Variants in TMEM272 observed in about 807,000 individuals in gnomAD.
The protein encoded by TMEM272 is transmembrane protein 272.
In TMEM272, 8 loss-of-function variants were observed where a neutral mutation model predicts 3.7. That is an observed-to-expected ratio of 2.17 (90% CI 1.27 to 3.91). The LOEUF (loss-of-function observed/expected upper bound fraction) is 3.91, where lower values mean the gene tolerates loss of function less well. Ranked by LOEUF, TMEM272 falls within the 30% of genes most tolerant of loss-of-function variation. The pLI, the probability that TMEM272 is intolerant of heterozygous loss-of-function variation, is 0.00. For missense variants in TMEM272, 166 were observed against 91.5 expected, an observed-to-expected ratio of 1.81 and a Z score of -3.32; for synonymous variants, 63 against 39.8, an observed-to-expected ratio of 1.58 and a Z score of -2.20.
intron 2 of TMEM272, among the ~76,000 whole-genome samples, chr13:51,832,157 T>C (rs556004412): frequency 2.4e-4 from 36 of 152,248 alleles, no homozygotes; most frequent in Admixed American, 8.5e-4. Flanking sequence ...TGCAGTGCAT[T>C]TCAGGGTGGG....
chr13:51,826,755 G>A, intron 2 of TMEM272, 130 bp from the exon 3 acceptor site: 1 of 652,360 alleles, frequency 1.5e-6, no homozygotes, highest in Non-Finnish European at 2.8e-6. Flanking sequence ...CAGACAGGAG[G>A]AGAAGGTCGC....
the TMEM272 span, among the ~76,000 whole-genome samples, chr13:51,863,399 G>A: frequency 1.3e-5 from 2 of 152,210 alleles, no homozygotes; most frequent in Non-Finnish European, 2.9e-5. Context: ...GCAGATGAGA[G>A]GGTAAGATCA....
At chr13:51,824,078 T>C (rs544965344) in intron 3 of TMEM272, among the ~76,000 whole-genome samples, 73 of 152,386 alleles carry the variant, frequency 4.8e-4, no homozygotes, top group Middle Eastern at 3.4e-3. Flanking sequence ...GAAATGAACA[T>C]TGAGTAATGG....
chr13:51,925,203 C>G, the TMEM272 span, among the ~76,000 whole-genome samples: 96 of 152,340 alleles, frequency 6.3e-4, no homozygotes, highest in African/African-American at 2.2e-3. Context: ...CCTAGCAAAG[C>G]AGCTTGAGGA....
chr13:51,852,032 A>G, the TMEM272 span, among the ~76,000 whole-genome samples: 1 of 152,202 alleles, frequency 6.6e-6, no homozygotes. Context: ...GCTGGGTGAA[A>G]AGGCAAATTC....
intron 2 of TMEM272, among the ~76,000 whole-genome samples, chr13:51,833,759 G>A (rs746722713): frequency 6.6e-6 from 1 of 152,196 alleles, no homozygotes; most frequent in African/African-American, 2.4e-5. Context: ...AGTTGTTCAT[G>A]TAACAGGACG....
rs1298059368 is a variant in TMEM272 at position 51,814,317 on chromosome 13, C to T, written c.*2434G>A. The T allele has an allele frequency of 1.3e-5, 2 of 152,268 alleles. No homozygotes were observed. The highest frequency in any genetic ancestry group is 4.8e-5 in the African/African-American group (2 of 41,456). 9.4% of individuals were successfully genotyped at this position (152,268 alleles called of 1,614,324 possible). ...TGCCTTATCATAACCATCTCACCAT[C>T]TCCTGAGGGAGGCCTTAATCAGTTA... On this transcript the variant is annotated 3_prime_UTR_variant, in exon 5 of 5. Coordinates refer to ENST00000629372, the MANE Select transcript of TMEM272 (RefSeq NM_001351003.2).
chr13:51,829,235 T>A (rs79802929), intron 2 of TMEM272, among the ~76,000 whole-genome samples: 4 of 152,342 alleles, frequency 2.6e-5, no homozygotes, highest in Non-Finnish European at 4.4e-5. Flanking sequence ...AATATTAAGA[T>A]GAACGGTAAA....
At chr13:51,850,616 C>T in the TMEM272 span, among the ~76,000 whole-genome samples, 21 of 152,086 alleles carry the variant, frequency 1.4e-4, no homozygotes, top group Non-Finnish European at 2.8e-4. Flanking sequence ...GTATGCATTG[C>T]TTCTGTGATA....
At position 51,813,583 on chromosome 13, in the gene TMEM272, G is replaced by A. The variant is rs533985515; in HGVS notation, c.*3168C>T. On this transcript the variant is annotated 3_prime_UTR_variant, in exon 5 of 5. Coordinates refer to ENST00000629372, the MANE Select transcript of TMEM272 (RefSeq NM_001351003.2). ...ATGTGTGGCCCGAGTGCACACATGC[G>A]GTTTCTCTGGCCACCGAATCAGAAC... The A allele has an allele frequency of 2.8e-5, 7 of 254,394 alleles. No individual in the cohort carries two copies. Among genetic ancestry groups the A allele is most frequent in the East Asian group, 7.1e-5 (1 of 14,114 alleles). 15.8% of individuals were successfully genotyped at this position (254,394 alleles called of 1,614,324 possible).
rs1183709810 is a variant in TMEM272, at chr13:51,814,488, AT to A, written c.*2262del. ...TTTTGTTTTTTAGAGATGGGGTCTC[AT>A]TCTGTCACCCAGAGTAGAGTGCAGT... On this transcript the variant is annotated 3_prime_UTR_variant, in exon 5 of 5. Transcript: ENST00000629372. 1 of 152,282 alleles carries A rather than the reference AT, an allele frequency of 6.6e-6. No individual in the cohort carries two copies. The highest frequency in any genetic ancestry group is 1.5e-5 in the Non-Finnish European group (1 of 68,062). 9.4% of individuals were successfully genotyped at this position (152,282 alleles called of 1,614,324 possible). A position where few individuals can be genotyped will look rare whatever the true frequency, so the allele number is the denominator to read the frequency against.
chr13:51,911,763 C>A, the TMEM272 span, among the ~76,000 whole-genome samples: 1 of 152,196 alleles, frequency 6.6e-6, no homozygotes, highest in African/African-American at 2.4e-5. Flanking sequence ...GAGGTCACAT[C>A]TGCCACTCCC....
chr13:51,892,956 C>A, the TMEM272 span, among the ~76,000 whole-genome samples: 1 of 152,206 alleles, frequency 6.6e-6, no homozygotes, highest in Non-Finnish European at 1.5e-5. Context: ...TTTACTGCAC[C>A]CTGACTACAA....
the TMEM272 span, chr13:51,865,441 G>A: frequency 6.8e-6 from 11 of 1,613,518 alleles, no homozygotes; most frequent in South Asian, 1.1e-4. Flanking sequence ...GCAGATGGAT[G>A]GGGCTTGCCT....
chr13:51,878,464 C>T, the TMEM272 span, among the ~76,000 whole-genome samples: 1 of 152,148 alleles, frequency 6.6e-6, no homozygotes, highest in South Asian at 2.1e-4. Flanking sequence ...ACTATCAGAT[C>T]TCAAGAGAAT....
the TMEM272 span, chr13:51,908,938 G>A: frequency 7.3e-7 from 1 of 1,372,408 alleles, no homozygotes; most frequent in East Asian, 2.3e-5. Context: ...TGGTCCAGAG[G>A]ATTCCCTGGG....
chr13:51,889,019 C>G, the TMEM272 span, among the ~76,000 whole-genome samples: 1 of 152,126 alleles, frequency 6.6e-6, no homozygotes, highest in Non-Finnish European at 1.5e-5. Context: ...TTTTTAACCA[C>G]TTTCCCACTG....
intron 4 of TMEM272, among the ~76,000 whole-genome samples, chr13:51,818,509 C>T (rs995855642): frequency 6.6e-6 from 1 of 152,156 alleles, no homozygotes; most frequent in Non-Finnish European, 1.5e-5. Flanking sequence ...GTGATAGTGA[C>T]TCTGGGAATG....
the TMEM272 span, among the ~76,000 whole-genome samples, chr13:51,924,531 T>C: frequency 1.3e-5 from 2 of 152,152 alleles, no homozygotes; most frequent in South Asian, 4.1e-4. Context: ...TTATTCTTCC[T>C]AGGACCCCCA....
Sources: allele counts gnomAD v4.1 joint callset (sites outside exome capture counted in the v4.1 genomes callset), GRCh38; gene constraint gnomAD v4.1.1; transcripts MANE v1.5; gene names NCBI Gene and HGNC (gene_info 2026-07-23, HGNC 2026-07-21).